Variants in GRIK2 observed in about 807,000 individuals in gnomAD.
GRIK2 encodes glutamate receptor ionotropic, kainate 2.
GRIK2 carries 32 observed loss-of-function variants against 100.3 expected under a neutral mutation model. That is an observed-to-expected ratio of 0.32 (90% CI 0.24 to 0.43). The LOEUF (loss-of-function observed/expected upper bound fraction) is 0.43, where lower values mean the gene tolerates loss of function less well. Among genes scored for constraint, GRIK2 ranks in the 20% least tolerant of loss-of-function variants. GRIK2 has a pLI of 1.00. For synonymous variants in GRIK2, 417 were observed against 389.4 expected, an observed-to-expected ratio of 1.07 and a Z score of -0.83; for missense variants, 843 against 1,114.9, an observed-to-expected ratio of 0.76 and a Z score of 3.47.
chr6:101,778,055 A>T (rs1778859844), intron 7 of GRIK2, among the ~76,000 whole-genome samples: 1 of 152,328 alleles, frequency 6.6e-6, no homozygotes, highest in East Asian at 1.9e-4. Flanking sequence ...ATTTATTGAA[A>T]AGTACTTTTA....
chr6:101,689,477 T>C (rs151186668), intron 7 of GRIK2, among the ~76,000 whole-genome samples: 4 of 152,260 alleles, frequency 2.6e-5, no homozygotes, highest in Non-Finnish European at 4.4e-5. Context: ...AGGATTTTAA[T>C]TGGCCTTTGA....
chr6:102,031,444 T>C (rs941252210), intron 14 of GRIK2, among the ~76,000 whole-genome samples: 1 of 83,860 alleles, frequency 1.2e-5, no homozygotes, highest in Admixed American at 1.1e-4. Flanking sequence ...ATTTTACTTA[T>C]TTATTTTTAT....
chr6:101,416,489 A>T (rs1453267806), intron 2 of GRIK2, among the ~76,000 whole-genome samples: 3 of 152,160 alleles, frequency 2.0e-5, no homozygotes, highest in Non-Finnish European at 4.4e-5. Flanking sequence ...AGCAAATTCC[A>T]GGTGTCTCAC....
chr6:102,031,503 T>G (rs1469853630), intron 14 of GRIK2, among the ~76,000 whole-genome samples: 1 of 151,234 alleles, frequency 6.6e-6, no homozygotes, highest in Non-Finnish European at 1.5e-5. Context: ...AGGAGATACA[T>G]GTGCAGTTTT....
At chr6:101,512,359 T>C (rs2128278512) in intron 2 of GRIK2, among the ~76,000 whole-genome samples, 1 of 152,174 alleles carries the variant, frequency 6.6e-6, no homozygotes, top group South Asian at 2.1e-4. Flanking sequence ...ACATTTTGAA[T>C]TGTAGAAGAT....
intron 12 of GRIK2, among the ~76,000 whole-genome samples, chr6:101,910,707 A>G (rs1788616569): frequency 6.6e-6 from 1 of 151,452 alleles, no homozygotes; most frequent in Non-Finnish European, 1.5e-5. Flanking sequence ...TTTAAATAAT[A>G]GATCTTACCA....
chr6:102,036,230 A>AATAAACAC (rs1554195344), intron 15 of GRIK2, among the ~76,000 whole-genome samples: 74 of 146,300 alleles, frequency 5.1e-4, no homozygotes, highest in South Asian at 2.2e-3. Flanking sequence ...GCCGTAAGTA[A>AATAAACAC]ACACACACAC....
chr6:101,822,911 G>A (rs939088438), intron 10 of GRIK2, among the ~76,000 whole-genome samples: 1 of 151,942 alleles, frequency 6.6e-6, no homozygotes, highest in Non-Finnish European at 1.5e-5. Context: ...TATAGAAAAG[G>A]CTAACACTTA....
intron 10 of GRIK2, among the ~76,000 whole-genome samples, chr6:101,827,073 TA>T (rs34591896): frequency 0.15 from 23,266 of 151,916 alleles, 2,322 homozygotes; most frequent in Non-Finnish European, 0.21. Flanking sequence ...AGTTACAGGA[TA>T]AAAACAGAAA....
chr6:102,036,660 A>G (rs757632113), intron 15 of GRIK2, among the ~76,000 whole-genome samples: 1 of 151,378 alleles, frequency 6.6e-6, no homozygotes, highest in Non-Finnish European at 1.5e-5. Flanking sequence ...AGATGTAAGA[A>G]GAAGCCATGA....
intron 2 of GRIK2, among the ~76,000 whole-genome samples, chr6:101,604,869 C>T (rs1273188503): frequency 6.6e-6 from 1 of 150,534 alleles, no homozygotes; most frequent in Non-Finnish European, 1.5e-5. Flanking sequence ...AAATATAAGT[C>T]CCCAAACCAG....
intron 2 of GRIK2, among the ~76,000 whole-genome samples, chr6:101,452,407 G>A (rs1320586348): frequency 6.6e-6 from 1 of 151,452 alleles, no homozygotes; most frequent in Non-Finnish European, 1.5e-5. Context: ...CAAATACATC[G>A]CTGTTTAATT....
rs1017345511 is a variant in GRIK2, at chr6:101,956,955, T to A, written c.2085+28323T>A. 2.6e-5 allele frequency among the ~76,000 whole-genome samples: 4 copies of A among 151,586 alleles called. No individual in the cohort carries two copies. The South Asian group carries it at 6.2e-4, about 24-fold the overall frequency. On this transcript the variant is annotated intron_variant, in intron 14 of 16. Coordinates refer to ENST00000369134, the MANE Select transcript of GRIK2 (RefSeq NM_021956.5). ...ATGGTGAATAGTGCTGTGACAAACA[T>A]GTAAGTTCAGGTGTCTTTTTGATAT... is the stretch of plus-strand genomic sequence containing the variant.
chr6:101,902,416 AAAGTT>A (rs1224485452), intron 12 of GRIK2, among the ~76,000 whole-genome samples: 2 of 151,974 alleles, frequency 1.3e-5, no homozygotes, highest in African/African-American at 2.4e-5. Flanking sequence ...GCAAAAGTAA[AAAGTT>A]AAGTTGTTAT....
At chr6:102,026,993 A>G (rs1191307755) in intron 14 of GRIK2, among the ~76,000 whole-genome samples, 3 of 151,266 alleles carry the variant, frequency 2.0e-5, no homozygotes, top group Non-Finnish European at 4.4e-5. Flanking sequence ...TACCTAGCAC[A>G]TATGTTCCAG....
intron 2 of GRIK2, among the ~76,000 whole-genome samples, chr6:101,407,025 A>G (rs1467126075): frequency 4.6e-5 from 7 of 152,162 alleles, no homozygotes; most frequent in African/African-American, 1.4e-4. Flanking sequence ...ACCTAGCACA[A>G]TGAGAATATT....
At chr6:101,567,856 AAAATAAT>A (rs1777352557) in intron 2 of GRIK2, among the ~76,000 whole-genome samples, 3 of 152,012 alleles carry the variant, frequency 2.0e-5, no homozygotes, top group African/African-American at 7.2e-5. Context: ...TTTACTGTCT[AAAATAAT>A]TATTTACCAT....
intron 4 of GRIK2, among the ~76,000 whole-genome samples, chr6:101,648,527 A>G (rs1005153716): frequency 3.9e-5 from 6 of 152,142 alleles, no homozygotes; most frequent in African/African-American, 1.4e-4. Context: ...GGAAATGAAT[A>G]TAAAAATTTC....
At chr6:101,975,478 A>G (rs1793306658) in intron 14 of GRIK2, among the ~76,000 whole-genome samples, 1 of 151,930 alleles carries the variant, frequency 6.6e-6, no homozygotes, top group South Asian at 2.1e-4. Context: ...GTTGTAAGAA[A>G]AGTGTTGTGA....
Sources: allele counts gnomAD v4.1 joint callset (sites outside exome capture counted in the v4.1 genomes callset), GRCh38; gene constraint gnomAD v4.1.1; transcripts MANE v1.5; gene names NCBI Gene and HGNC (gene_info 2026-07-23, HGNC 2026-07-21).